SYCP1: variants seen among roughly 807,000 people sequenced by gnomAD.
The protein encoded by SYCP1 is cancer/testis antigen 8.
Under a neutral mutation model 153.1 loss-of-function variants are expected in SYCP1, and 64 were observed. That is an observed-to-expected ratio of 0.42 (90% CI 0.34 to 0.51). SYCP1 has a LOEUF of 0.51. Ranked by LOEUF, SYCP1 falls within the 20% of genes least tolerant of loss-of-function variation. The pLI, the probability that SYCP1 is intolerant of heterozygous loss-of-function variation, is 0.06. For synonymous variants in SYCP1, 384 were observed against 341.8 expected, an observed-to-expected ratio of 1.12 and a Z score of -1.36; for missense variants, 997 against 1,049.0, an observed-to-expected ratio of 0.95 and a Z score of 0.68.
intron 8 of SYCP1, among the ~76,000 whole-genome samples, chr1:114,870,821 A>G (rs541201793): frequency 1.3e-5 from 2 of 152,142 alleles, no homozygotes; most frequent in Non-Finnish European, 2.9e-5. Context: ...CACTCTGACA[A>G]TCTCTTAGTT....
At chr1:114,905,157 T>C (rs562986225) in intron 16 of SYCP1, among the ~76,000 whole-genome samples, 1 of 152,342 alleles carries the variant, frequency 6.6e-6, no homozygotes, top group East Asian at 1.9e-4. Context: ...TCTTTTGCTA[T>C]CTGTGTCTGG....
intron 23 of SYCP1, among the ~76,000 whole-genome samples, chr1:114,930,462 A>T (rs762943383): frequency 7.9e-5 from 12 of 152,140 alleles, no homozygotes; most frequent in Non-Finnish European, 1.6e-4. Flanking sequence ...TGCAGGCAAG[A>T]ATGAAAGAGT....
intron 16 of SYCP1, among the ~76,000 whole-genome samples, chr1:114,909,287 GTAGTTTTAGCTGCCTAT>G (rs138167051): frequency 0.026 from 4,022 of 152,014 alleles, 212 homozygotes; most frequent in African/African-American, 0.093. Context: ...GGTTTCTATT[GTAGTTTTAGCTGCCTAT>G]ACCACACTGC....
At chr1:114,901,586 G>T (rs967470618) in intron 16 of SYCP1, among the ~76,000 whole-genome samples, 29 of 152,202 alleles carry the variant, frequency 1.9e-4, no homozygotes, top group African/African-American at 5.3e-4. Context: ...ATTGTAAAAT[G>T]GCAAAGGCTA....
intron 27 of SYCP1, among the ~76,000 whole-genome samples, chr1:114,952,612 C>T (rs569455517): frequency 6.6e-6 from 1 of 152,232 alleles, no homozygotes; most frequent in Non-Finnish European, 1.5e-5. Context: ...GGAAAAGCCC[C>T]TTATAAAACC....
chr1:114,924,026 T>C (rs964357020), intron 21 of SYCP1, among the ~76,000 whole-genome samples: 1 of 152,178 alleles, frequency 6.6e-6, no homozygotes. Context: ...AGGTCTTTGA[T>C]TGTGTTTTTT....
chr1:114,891,299 T>TTA (rs1666688819), intron 15 of SYCP1, among the ~76,000 whole-genome samples: 1 of 152,218 alleles, frequency 6.6e-6, no homozygotes, highest in Admixed American at 6.5e-5. Context: ...CTTTGACCAG[T>TTA]GCTATTATAG....
At chr1:114,928,188 A>C (rs1194409470) in intron 23 of SYCP1, among the ~76,000 whole-genome samples, 3 of 152,192 alleles carry the variant, frequency 2.0e-5, no homozygotes, top group Admixed American at 2.0e-4. Flanking sequence ...TTGCAGATCC[A>C]TGGCCCTCAG....
At chr1:114,937,406 A>G (rs954347786) in intron 23 of SYCP1, among the ~76,000 whole-genome samples, 1 of 152,238 alleles carries the variant, frequency 6.6e-6, no homozygotes, top group Non-Finnish European at 1.5e-5. Flanking sequence ...AAGATGGATT[A>G]AAGACTTAAA....
At chr1:114,898,685 G>A (rs1397028015) in intron 16 of SYCP1, among the ~76,000 whole-genome samples, 1 of 152,140 alleles carries the variant, frequency 6.6e-6, no homozygotes, top group Non-Finnish European at 1.5e-5. Context: ...AACAAATCAT[G>A]ATAGGACTGA....
At chr1:114,858,343 T>C (rs1664152002) in intron 5 of SYCP1, among the ~76,000 whole-genome samples, 1 of 152,148 alleles carries the variant, frequency 6.6e-6, no homozygotes, top group East Asian at 1.9e-4. Context: ...TATAATTTAG[T>C]CAAGTGACCA....
chr1:114,865,532 C>T (rs913990891), intron 8 of SYCP1, among the ~76,000 whole-genome samples: 3 of 152,148 alleles, frequency 2.0e-5, no homozygotes, highest in Non-Finnish European at 2.9e-5. Flanking sequence ...TGCCCTGGGT[C>T]TATTTCATGT....
In SYCP1 at chr1:114,877,772, G is replaced by A. The variant is rs1665641164; in HGVS notation, c.802-322G>A. Among the ~76,000 whole-genome samples, 3 of 152,128 alleles carry A rather than the reference G, an allele frequency of 2.0e-5. No homozygotes were observed. In the South Asian group the frequency reaches 6.2e-4, roughly 32 times the overall value. Reference sequence around the variant, plus strand: ...TGATGGCATTCTGGAGCTGAATTGGGCAGGATAGCAAAGACAGACTGAATC... The same window carrying A: ...TGATGGCATTCTGGAGCTGAATTGGACAGGATAGCAAAGACAGACTGAATC... On this transcript the variant is annotated intron_variant, in intron 11 of 31. Transcript: ENST00000369522.
intron 27 of SYCP1, among the ~76,000 whole-genome samples, chr1:114,977,025 C>T (rs1158815704): frequency 1.3e-5 from 2 of 151,722 alleles, no homozygotes; most frequent in Non-Finnish European, 3.0e-5. Flanking sequence ...TTTCTTTTAT[C>T]TTACTGAATA....
rs574626296 is a variant in SYCP1, at chr1:114,889,511, GT to G, written c.1258+1819del. 3.3e-5 allele frequency among the ~76,000 whole-genome samples: 5 copies of G among 152,304 alleles called. No individual in the cohort carries two copies. In the East Asian group the frequency reaches 7.7e-4, roughly 24 times the overall value. On this transcript the variant is annotated intron_variant, in intron 15 of 31. Coordinates refer to ENST00000369522, the MANE Select transcript of SYCP1 (RefSeq NM_003176.4). ...CTGCATAAATGTCTTCTTTTAAGAAGTGTCTGTTCATATCCTCTGCCCACTT... is the reference window on the plus strand; with the variant it reads ...CTGCATAAATGTCTTCTTTTAAGAAGGTCTGTTCATATCCTCTGCCCACTT...
chr1:114,958,979 G>T (rs1484294162), intron 27 of SYCP1, among the ~76,000 whole-genome samples: 1 of 150,480 alleles, frequency 6.6e-6, no homozygotes, highest in African/African-American at 2.4e-5. Flanking sequence ...TTCTTTATAT[G>T]ATGTACTATT....
At chr1:114,924,242 G>A (rs1229391759) in intron 21 of SYCP1, among the ~76,000 whole-genome samples, 1 of 152,120 alleles carries the variant, frequency 6.6e-6, no homozygotes, top group Non-Finnish European at 1.5e-5. Context: ...CATCTTGAAA[G>A]TTCTAAAAAA....
At chr1:114,887,753 A>T in intron 15 of SYCP1, 60 bp downstream of exon 15, 1 of 1,068,374 alleles carries the variant, frequency 9.4e-7, no homozygotes. Flanking sequence ...AGAATCATAA[A>T]CACTGTTTTG....
chr1:114,876,271 C>T, intron 10 of SYCP1, 133 bp downstream of exon 10: 3 of 525,366 alleles, frequency 5.7e-6, no homozygotes, highest in Middle Eastern at 5.2e-4. Flanking sequence ...TTCTGTAAGC[C>T]CCTCTAAATC....
Sources: gnomAD v4.1 joint callset for allele counts (sites outside exome capture counted in the v4.1 genomes callset) on GRCh38, gnomAD v4.1.1 for gene constraint, MANE v1.5 for transcripts, NCBI Gene and HGNC (gene_info 2026-07-23, HGNC 2026-07-21) for gene names.